MYO3B: variants seen among roughly 807,000 people sequenced by gnomAD.
MYO3B encodes the protein myosin IIIB, also known as myosin-IIIb.
MYO3B carries 156 observed loss-of-function variants against 174.6 expected under a neutral mutation model. The ratio of observed to expected loss-of-function variants is 0.89; its 90% CI spans 0.78 to 1.02. MYO3B has a LOEUF of 1.02. Among genes scored for constraint, MYO3B ranks in the 50% least tolerant of loss-of-function variants. The pLI is 0.00. For synonymous variants in MYO3B, 563 were observed against 569.1 expected (o/e 0.99, Z 0.15); for missense variants, 1,632 against 1,639.4 (o/e 1.00, Z 0.08).
intron 23 of MYO3B, among the ~76,000 whole-genome samples, 190 bp downstream of exon 23, chr2:170,444,236 G>A (rs972052758): frequency 1.3e-5 from 2 of 152,156 alleles, no homozygotes; most frequent in African/African-American, 4.8e-5. Flanking sequence ...TTACAATCCT[G>A]ATTCTCAGAA....
At chr2:170,400,390 C>A in intron 17 of MYO3B, 76 bp downstream of exon 17, 2 of 1,409,708 alleles carry the variant, frequency 1.4e-6, no homozygotes, top group Non-Finnish European at 1.9e-6. Flanking sequence ...TATAATGCAG[C>A]ATTTGCTGGT....
chr2:170,386,368 A>G (rs9646782), intron 13 of MYO3B, 96 bp downstream of exon 13: 300,314 of 1,031,472 alleles, frequency 0.29, 45,559 homozygotes, highest in Non-Finnish European at 0.32. Flanking sequence ...TTTTTTATTA[A>G]GGCTTACATA....
intron 32 of MYO3B, among the ~76,000 whole-genome samples, chr2:170,570,336 A>G (rs1364048084): frequency 6.6e-6 from 1 of 152,234 alleles, no homozygotes; most frequent in African/African-American, 2.4e-5. Flanking sequence ...TGGTTTGTCT[A>G]TCTTCCTTTT....
chr2:170,425,629 A>G (rs1292235722), intron 22 of MYO3B, among the ~76,000 whole-genome samples: 1 of 152,212 alleles, frequency 6.6e-6, no homozygotes, highest in Non-Finnish European at 1.5e-5. Context: ...AATGGGAATC[A>G]CTGTTCAGTT....
At chr2:170,204,775 T>C (rs1447291936) in intron 3 of MYO3B, among the ~76,000 whole-genome samples, 2 of 152,158 alleles carry the variant, frequency 1.3e-5, no homozygotes, top group East Asian at 1.9e-4. Context: ...AGGGCTGATA[T>C]GTCAACCCTC....
intron 7 of MYO3B, among the ~76,000 whole-genome samples, chr2:170,333,570 T>C (rs1417607948): frequency 1.3e-5 from 2 of 152,152 alleles, no homozygotes; most frequent in African/African-American, 4.8e-5. Flanking sequence ...TGCTCTCTCT[T>C]CAGATCCAAA....
intron 15 of MYO3B, 132 bp from the exon 16 acceptor site, chr2:170,392,249 C>T: frequency 1.9e-6 from 1 of 535,832 alleles, no homozygotes; most frequent in Non-Finnish European, 3.3e-6. Context: ...GCTATGATCA[C>T]ACCACTGCAC....
intron 7 of MYO3B, among the ~76,000 whole-genome samples, chr2:170,242,810 A>G (rs905936168): frequency 5.9e-5 from 9 of 152,176 alleles, no homozygotes; most frequent in African/African-American, 1.9e-4. Flanking sequence ...CACCTCCTAA[A>G]TGATGGAGAG....
intron 32 of MYO3B, among the ~76,000 whole-genome samples, chr2:170,608,121 GA>G (rs1559155390): frequency 6.6e-6 from 1 of 152,176 alleles, no homozygotes; most frequent in Non-Finnish European, 1.5e-5. Flanking sequence ...GTGATGTAAA[GA>G]ATAGTTACAG....
chr2:170,503,963 A>G (rs1328907290), intron 28 of MYO3B, among the ~76,000 whole-genome samples: 3 of 152,180 alleles, frequency 2.0e-5, no homozygotes, highest in Non-Finnish European at 2.9e-5. Context: ...TTACTTGGGA[A>G]TATTTTCCTT....
At chr2:170,564,615 G>T (rs6433219) in intron 32 of MYO3B, among the ~76,000 whole-genome samples, 1 of 152,018 alleles carries the variant, frequency 6.6e-6, no homozygotes, top group African/African-American at 2.4e-5. Flanking sequence ...CATGCTGATC[G>T]AAGTATAAAG....
intron 32 of MYO3B, among the ~76,000 whole-genome samples, chr2:170,637,763 C>T (rs1861290): frequency 0.2 from 30,286 of 152,096 alleles, 3,706 homozygotes; most frequent in East Asian, 0.45. Flanking sequence ...CCTACTTGTA[C>T]AAACGTCTTA....
intron 29 of MYO3B, among the ~76,000 whole-genome samples, 166 bp from the exon 30 acceptor site, chr2:170,519,272 G>A (rs563925137): frequency 2.0e-5 from 3 of 152,150 alleles, no homozygotes; most frequent in East Asian, 1.9e-4. Flanking sequence ...ACCTGGAATC[G>A]AGAACAGCTC....
At chr2:170,216,289 G>T (rs1241299628) in intron 5 of MYO3B, among the ~76,000 whole-genome samples, 1 of 152,156 alleles carries the variant, frequency 6.6e-6, no homozygotes, top group Non-Finnish European at 1.5e-5. Flanking sequence ...AGACTTCTGT[G>T]TGGTATAAAA....
At chr2:170,603,868 G>T (rs1195504834) in intron 32 of MYO3B, among the ~76,000 whole-genome samples, 2 of 152,158 alleles carry the variant, frequency 1.3e-5, no homozygotes, top group Non-Finnish European at 2.9e-5. Context: ...GATCAACAAT[G>T]AACCACATAT....
intron 7 of MYO3B, chr2:170,334,439 T>TGA (rs1368095478): frequency 6.6e-6 from 1 of 152,218 alleles, no homozygotes; most frequent in East Asian, 1.9e-4. Flanking sequence ...CTATTGAATC[T>TGA]GAGCAATCCA....
At chr2:170,357,151 A>G (rs1272761934) in intron 8 of MYO3B, among the ~76,000 whole-genome samples, 4 of 151,880 alleles carry the variant, frequency 2.6e-5, no homozygotes, top group Admixed American at 1.3e-4. Flanking sequence ...TACTAAAAAT[A>G]CAAAAATTAG....
chr2:170,410,226 T>C (rs1413055734), intron 22 of MYO3B, among the ~76,000 whole-genome samples: 6 of 152,204 alleles, frequency 3.9e-5, no homozygotes, highest in African/African-American at 1.4e-4. Flanking sequence ...GGTCAATTAC[T>C]TTACAAACCT....
At chr2:170,632,462 G>C (rs973081061) in intron 32 of MYO3B, among the ~76,000 whole-genome samples, 3 of 152,018 alleles carry the variant, frequency 2.0e-5, no homozygotes, top group Non-Finnish European at 4.4e-5. Context: ...CAGAATCTCT[G>C]GGACACATTT....
Sources: gnomAD v4.1 joint callset for allele counts (sites outside exome capture counted in the v4.1 genomes callset) on GRCh38, gnomAD v4.1.1 for gene constraint, MANE v1.5 for transcripts, NCBI Gene and HGNC (gene_info 2026-07-23, HGNC 2026-07-21) for gene names.